Variants in SEL1L3 observed in about 807,000 individuals in gnomAD.
SEL1L3 encodes the protein SEL1L family member 3, also known as protein sel-1 homolog 3.
In SEL1L3, 76 loss-of-function variants were observed where a neutral mutation model predicts 142.8. The observed-to-expected ratio is 0.53, with a 90% CI of 0.44 to 0.64. The LOEUF is 0.64. SEL1L3 is among the 30% of genes least tolerant of loss of function. SEL1L3 has a pLI of 0.00. For synonymous variants in SEL1L3, 504 were observed against 519.6 expected (o/e 0.97, Z 0.41); for missense variants, 1,262 against 1,381.7 (o/e 0.91, Z 1.37).
chr4:25,779,351 GAC>G (rs1476739756), intron 15 of SEL1L3, 148 bp from the exon 16 acceptor site: 1 of 841,206 alleles, frequency 1.2e-6, no homozygotes, highest in Non-Finnish European at 1.8e-6. Context: ...ATTCCAGGAA[GAC>G]AGCCAATCAC....
At chr4:25,828,339 A>T (rs979935220) in intron 6 of SEL1L3, among the ~76,000 whole-genome samples, 1 of 151,346 alleles carries the variant, frequency 6.6e-6, no homozygotes, top group Non-Finnish European at 1.5e-5. Flanking sequence ...ATTCTGATTT[A>T]GAAGCTCTGG....
At chr4:25,770,952 G>T (rs765454750) in intron 17 of SEL1L3, among the ~76,000 whole-genome samples, 20 of 152,146 alleles carry the variant, frequency 1.3e-4, no homozygotes, top group Non-Finnish European at 2.4e-4. Context: ...TGCCTCTGCA[G>T]AAACCCTGTC....
At chr4:25,723,221 A>G in the SEL1L3 span, among the ~76,000 whole-genome samples, 2 of 152,158 alleles carry the variant, frequency 1.3e-5, no homozygotes, top group African/African-American at 4.8e-5. Context: ...TTTGGGTGTT[A>G]TCTCTGTTGA....
intron 18 of SEL1L3, 64 bp from the exon 19 acceptor site, chr4:25,767,673 T>A: frequency 1.4e-6 from 2 of 1,475,046 alleles, no homozygotes; most frequent in Non-Finnish European, 1.9e-6. Context: ...CAACGTTGCC[T>A]CCATAAAACC....
intron 2 of SEL1L3, among the ~76,000 whole-genome samples, chr4:25,846,690 C>T (rs995936019): frequency 6.6e-6 from 1 of 152,078 alleles, no homozygotes; most frequent in Admixed American, 6.5e-5. Context: ...AGGCAGATCG[C>T]CTGAGGTCAG....
chr4:25,755,168 T>C (rs1247372072), intron 23 of SEL1L3, among the ~76,000 whole-genome samples: 1 of 152,094 alleles, frequency 6.6e-6, no homozygotes, highest in East Asian at 1.9e-4. Flanking sequence ...ACTGCAGCCT[T>C]GAACTTCTGG....
chr4:25,789,416 CA>C (rs1271053981), intron 12 of SEL1L3, among the ~76,000 whole-genome samples: 1 of 151,748 alleles, frequency 6.6e-6, no homozygotes, highest in Non-Finnish European at 1.5e-5. Flanking sequence ...CCCATTTCTA[CA>C]AAAAAATTAA....
rs1268142631 is a variant in SEL1L3 at position 25,783,553 on chromosome 4, T to A, written c.2280+675A>T. ...GGTAGTTTCTGCAAATCTATTTATT[T>A]GGACATCGGTATGCATGCACACATG... is the stretch of plus-strand genomic sequence containing the variant. On this transcript the variant is annotated intron_variant, in intron 14 of 23. Coordinates refer to ENST00000399878, the MANE Select transcript of SEL1L3 (RefSeq NM_015187.5). Among the ~76,000 whole-genome samples, 3 of 152,326 alleles carry A rather than the reference T, an allele frequency of 2.0e-5. No homozygotes were observed. The East Asian group carries it at 5.8e-4, about 29-fold the overall frequency.
intron 16 of SEL1L3, 56 bp from the exon 17 acceptor site, chr4:25,776,416 T>C: frequency 8.1e-7 from 1 of 1,234,514 alleles, no homozygotes; most frequent in Non-Finnish European, 1.2e-6. Context: ...TAATAAAATG[T>C]TTTTCTTCAT....
the SEL1L3 span, among the ~76,000 whole-genome samples, chr4:25,715,638 G>A: frequency 6.6e-6 from 1 of 151,206 alleles, no homozygotes; most frequent in Non-Finnish European, 1.5e-5. Context: ...GTGCACCATT[G>A]TTTGTAACAA....
At chr4:25,804,414 TGA>T in intron 10 of SEL1L3, 125 bp downstream of exon 10, 1 of 699,144 alleles carries the variant, frequency 1.4e-6, no homozygotes, top group Non-Finnish European at 2.5e-6. Flanking sequence ...ACATTTATCT[TGA>T]GTGTAAAGAT....
the SEL1L3 span, among the ~76,000 whole-genome samples, chr4:25,716,337 G>A: frequency 5.7e-4 from 86 of 152,198 alleles, no homozygotes; most frequent in African/African-American, 2.0e-3. Flanking sequence ...ATTGGGAAAC[G>A]TTTTAAATTC....
intron 23 of SEL1L3, among the ~76,000 whole-genome samples, chr4:25,751,536 C>T (rs1438032820): frequency 2.6e-5 from 4 of 151,850 alleles, no homozygotes; most frequent in African/African-American, 9.7e-5. Context: ...GACCTTTCCA[C>T]CACCGTGGGA....
At chr4:25,721,699 G>A in the SEL1L3 span, among the ~76,000 whole-genome samples, 1 of 152,204 alleles carries the variant, frequency 6.6e-6, no homozygotes, top group East Asian at 1.9e-4. Flanking sequence ...TTCACAGGAG[G>A]AAGGCTTCAG....
chr4:25,792,338 G>A (rs1193637211), intron 11 of SEL1L3, among the ~76,000 whole-genome samples: 2 of 152,246 alleles, frequency 1.3e-5, no homozygotes, highest in Non-Finnish European at 2.9e-5. Flanking sequence ...GGCCTTGCCA[G>A]GTTGGCTTGA....
chr4:25,772,037 A>AG (rs778490809), intron 17 of SEL1L3, among the ~76,000 whole-genome samples: 29 of 152,220 alleles, frequency 1.9e-4, no homozygotes, highest in Admixed American at 5.2e-4. Flanking sequence ...TCACACAAAA[A>AG]TGAAAAAAGG....
rs16877576 is a variant in SEL1L3 at position 25,802,486 on chromosome 4, C to T, written c.1777-24G>A. On this transcript the variant is annotated intron_variant, in intron 10 of 23. Transcript: ENST00000399878. ...CCCTGTTAGGAAGAAATTGACAAAG[C>T]GTTCATGAGATTGTAGATAGGGTCA... 14,645 of 1,594,782 alleles carry T rather than the reference C, an allele frequency of 9.2e-3. 1,181 individuals carry two copies. The African/African-American group carries it at 0.17, about 19-fold the overall frequency.
the SEL1L3 span, among the ~76,000 whole-genome samples, chr4:25,727,332 A>T: frequency 6.6e-6 from 1 of 152,002 alleles, no homozygotes; most frequent in Non-Finnish European, 1.5e-5. Context: ...GATTACAGGC[A>T]TGAGCCACCA....
chr4:25,735,811 T>C, the SEL1L3 span, among the ~76,000 whole-genome samples: 1 of 151,466 alleles, frequency 6.6e-6, no homozygotes, highest in Non-Finnish European at 1.5e-5. Context: ...GCAAGTTGTT[T>C]ATTTTCTAAC....
Sources: allele counts gnomAD v4.1 joint callset (sites outside exome capture counted in the v4.1 genomes callset), GRCh38; gene constraint gnomAD v4.1.1; transcripts MANE v1.5; gene names NCBI Gene and HGNC (gene_info 2026-07-23, HGNC 2026-07-21).